Variants in CYSLTR2 observed in about 807,000 individuals in gnomAD.
The protein encoded by CYSLTR2 is cysteinyl leukotriene receptor 2, also known as G-protein coupled receptor GPCR21.
For synonymous variants in CYSLTR2, 179 were observed against 160.8 expected, an observed-to-expected ratio of 1.11 and a Z score of -0.86; for missense variants, 398 against 411.9, an observed-to-expected ratio of 0.97 and a Z score of 0.29.
chr13:48,706,400 T>A (rs1477445938), intron 4 of CYSLTR2, among the ~76,000 whole-genome samples: 1 of 152,244 alleles, frequency 6.6e-6, no homozygotes, highest in Non-Finnish European at 1.5e-5. Context: ...TTGCTGGACA[T>A]AGAATACTAG....
rs543330817 is a variant in CYSLTR2, at chr13:48,664,702, T to G, written c.-266+10685T>G. 4.6e-5 allele frequency among the ~76,000 whole-genome samples: 7 copies of G among 152,132 alleles called. No individual in the cohort carries two copies. In the South Asian group the frequency reaches 1.4e-3, roughly 32 times the overall value. On this transcript the variant is annotated intron_variant, in intron 1 of 4. Transcript: ENST00000682523. ...TTTCCTTTTTCATTTCTGATTTTAT[T>G]TATTTGGTTCTTCTCTCTTTTTTTC...
At chr13:48,680,298 T>C (rs1299699102) in intron 1 of CYSLTR2, among the ~76,000 whole-genome samples, 2 of 152,198 alleles carry the variant, frequency 1.3e-5, no homozygotes, top group South Asian at 2.1e-4. Flanking sequence ...TGCCAATGTC[T>C]AATGATCCCG....
chr13:48,706,996 T>A lies in CYSLTR2; in HGVS notation c.179T>A (p.Ile60Lys). Reference protein sequence around the residue: ...FWGVLGNGLSIYVFLQPYKKS... With the variant: ...FWGVLGNGLSKYVFLQPYKKS... ...GGAGTCTTGGGAAATGGGTTGTCCA[T>A]ATATGTTTTCCTGCAGCCTTATAAG... The change falls in exon 5 of 5, where the codon ATA becomes AAA. Residue 60 changes from isoleucine (I) to lysine (K), a missense_variant. Physicochemically the swap from Ile to Lys is moderately radical, Grantham distance 102. Coordinates refer to ENST00000682523, the MANE Select transcript of CYSLTR2 (RefSeq NM_001308476.3). 1 of 1,614,196 alleles carries A rather than the reference T, an allele frequency of 6.2e-7. No homozygotes were observed. The highest frequency in any genetic ancestry group is 8.5e-7 in the Non-Finnish European group (1 of 1,180,036).
chr13:48,670,359 A>G (rs1319567803), intron 1 of CYSLTR2, among the ~76,000 whole-genome samples: 6 of 152,182 alleles, frequency 3.9e-5, no homozygotes, highest in Non-Finnish European at 8.8e-5. Context: ...GTCCATGCCT[A>G]TGTCCTGAAT....
intron 4 of CYSLTR2, among the ~76,000 whole-genome samples, chr13:48,705,654 C>T (rs1954462720): frequency 6.7e-6 from 1 of 149,106 alleles, no homozygotes; most frequent in African/African-American, 2.4e-5. Context: ...TTATGATAGT[C>T]TATTAGCATC....
intron 1 of CYSLTR2, among the ~76,000 whole-genome samples, chr13:48,679,156 T>C (rs1156655934): frequency 6.6e-6 from 1 of 152,096 alleles, no homozygotes; most frequent in Non-Finnish European, 1.5e-5. Context: ...TGCTCTCAAC[T>C]TGGGGCCTTT....
At chr13:48,666,582 T>C (rs1327668731) in intron 1 of CYSLTR2, among the ~76,000 whole-genome samples, 2 of 152,156 alleles carry the variant, frequency 1.3e-5, no homozygotes, top group Admixed American at 1.3e-4. Flanking sequence ...TGTAAGCTTT[T>C]TTCGTTCTCT....
chr13:48,688,356 C>A (rs1593991327), intron 1 of CYSLTR2, among the ~76,000 whole-genome samples: 1 of 152,128 alleles, frequency 6.6e-6, no homozygotes, highest in East Asian at 1.9e-4. Context: ...TTGCTGCACC[C>A]ATCAACCTGT....
At chr13:48,679,969 G>A (rs1269032363) in intron 1 of CYSLTR2, among the ~76,000 whole-genome samples, 2 of 152,156 alleles carry the variant, frequency 1.3e-5, no homozygotes, top group Admixed American at 6.5e-5. Context: ...GGAGGCTTCC[G>A]CATGGCAGGT....
intron 1 of CYSLTR2, among the ~76,000 whole-genome samples, chr13:48,689,323 T>C (rs1325608869): frequency 2.6e-5 from 4 of 152,206 alleles, no homozygotes; most frequent in African/African-American, 9.6e-5. Context: ...TCATGAAGTC[T>C]TTGTCCATGC....
At chr13:48,680,024 C>T (rs903893034) in intron 1 of CYSLTR2, among the ~76,000 whole-genome samples, 1 of 152,194 alleles carries the variant, frequency 6.6e-6, no homozygotes, top group Non-Finnish European at 1.5e-5. Flanking sequence ...TACACAGAAG[C>T]CTACCATTAT....
chr13:48,706,568 T>C, intron 4 of CYSLTR2: 1 of 415,634 alleles, frequency 2.4e-6, no homozygotes, highest in Non-Finnish European at 4.3e-6. Flanking sequence ...TTCTCTAAGT[T>C]TGAAGCGTCA....
intron 1 of CYSLTR2, among the ~76,000 whole-genome samples, chr13:48,675,112 T>C (rs1048402353): frequency 6.6e-6 from 1 of 152,234 alleles, no homozygotes; most frequent in African/African-American, 2.4e-5. Context: ...TAAGGACCCA[T>C]GGGGTTCAGG....
chr13:48,692,931 G>T (rs1039059147), intron 2 of CYSLTR2, among the ~76,000 whole-genome samples: 2 of 151,726 alleles, frequency 1.3e-5, no homozygotes, highest in Non-Finnish European at 3.0e-5. Flanking sequence ...TTTAGAAATT[G>T]TGTAGGCATC....
chr13:48,703,792 G>A (rs1954411873), intron 4 of CYSLTR2, among the ~76,000 whole-genome samples: 1 of 152,160 alleles, frequency 6.6e-6, no homozygotes, highest in African/African-American at 2.4e-5. Context: ...GGAAGACACT[G>A]TATGGAATTG....
At chr13:48,694,659 T>C (rs1954121225) in intron 3 of CYSLTR2, 1 of 150,434 alleles carries the variant, frequency 6.6e-6, no homozygotes, top group Non-Finnish European at 1.5e-5. Context: ...TCCATTTTTG[T>C]CAATCCTTCA....
At chr13:48,696,897 G>A (rs995615752) in intron 4 of CYSLTR2, among the ~76,000 whole-genome samples, 4 of 152,176 alleles carry the variant, frequency 2.6e-5, no homozygotes, top group Non-Finnish European at 5.9e-5. Flanking sequence ...CACGCCCACG[G>A]AGCCTCGCTC....
intron 1 of CYSLTR2, among the ~76,000 whole-genome samples, chr13:48,671,201 A>G (rs1420583881): frequency 1.3e-5 from 2 of 152,194 alleles, no homozygotes; most frequent in African/African-American, 4.8e-5. Flanking sequence ...TTTTGTAAAT[A>G]TACAATCATG....
chr13:48,703,305 C>T (rs1467802992), intron 4 of CYSLTR2, among the ~76,000 whole-genome samples: 27 of 151,986 alleles, frequency 1.8e-4, no homozygotes, highest in Admixed American at 1.8e-3. Flanking sequence ...ATATTTATTT[C>T]CTTTTTGTGT....
Sources: allele counts gnomAD v4.1 joint callset (sites outside exome capture counted in the v4.1 genomes callset), GRCh38; gene constraint gnomAD v4.1.1; transcripts MANE v1.5; gene names NCBI Gene and HGNC (gene_info 2026-07-23, HGNC 2026-07-21).